The following ACTG2 variants were observed in gnomAD, a reference collection of about 807,000 sequenced individuals.
ACTG2 encodes the protein actin, gamma-enteric smooth muscle.
A neutral mutation model predicts 37.6 loss-of-function variants in ACTG2; 16 were observed. The ratio of observed to expected loss-of-function variants is 0.43; its 90% CI spans 0.29 to 0.65. The LOEUF (loss-of-function observed/expected upper bound fraction) is 0.65, where lower values mean the gene tolerates loss of function less well. Among genes scored for constraint, ACTG2 ranks in the 30% least tolerant of loss-of-function variants. The pLI, the probability that ACTG2 is intolerant of heterozygous loss-of-function variation, is 0.18. For synonymous variants in ACTG2, 181 were observed against 179.9 expected, an observed-to-expected ratio of 1.01 and a Z score of -0.05; for missense variants, 238 against 490.9, an observed-to-expected ratio of 0.48 and a Z score of 4.87.
chr2:73,902,750 T>C, intron 3 of ACTG2: 3 of 1,550,718 alleles, frequency 1.9e-6, no homozygotes, highest in South Asian at 2.4e-5. Flanking sequence ...GCTGCAAAAC[T>C]GATCTTTCTA....
intron 1 of ACTG2, among the ~76,000 whole-genome samples, chr2:73,896,391 A>G (rs1020694410): frequency 2.6e-5 from 4 of 151,796 alleles, no homozygotes; most frequent in East Asian, 1.9e-4. Flanking sequence ...GATATAGGCC[A>G]TACAGAAACA....
chr2:73,902,277 T>G, intron 2 of ACTG2, 83 bp from the exon 3 acceptor site: 1 of 1,518,228 alleles, frequency 6.6e-7, no homozygotes, highest in Non-Finnish European at 9.0e-7. Flanking sequence ...TCCTTATCCT[T>G]CTTCAGAGAC....
chr2:73,913,291 T>C (rs1680182964), intron 5 of ACTG2, among the ~76,000 whole-genome samples, 194 bp from the exon 6 acceptor site: 1 of 152,064 alleles, frequency 6.6e-6, no homozygotes. Context: ...TCCAGAGGCC[T>C]ACAGTCTCAC....
intron 3 of ACTG2, among the ~76,000 whole-genome samples, chr2:73,905,934 T>A (rs1465020712): frequency 6.6e-6 from 1 of 151,556 alleles, no homozygotes. Flanking sequence ...TTTCAAAAGT[T>A]TAAGTTTATC....
At chr2:73,896,188 G>T (rs937365895) in intron 1 of ACTG2, among the ~76,000 whole-genome samples, 140 of 151,786 alleles carry the variant, frequency 9.2e-4, no homozygotes, top group African/African-American at 3.2e-3. Flanking sequence ...ATTTTTTTTT[G>T]AAATTAGCAG....
intron 8 of ACTG2, among the ~76,000 whole-genome samples, chr2:73,918,272 G>T (rs1269137467): frequency 6.6e-6 from 1 of 152,080 alleles, no homozygotes; most frequent in East Asian, 1.9e-4. Context: ...ATTTGGGGTG[G>T]GGGTAGGGCT....
At chr2:73,894,816 T>G (rs1208603702) in intron 1 of ACTG2, among the ~76,000 whole-genome samples, 1 of 151,982 alleles carries the variant, frequency 6.6e-6, no homozygotes, top group African/African-American at 2.4e-5. Context: ...AAGGCAGGAA[T>G]CAGGTAAAAC....
intron 8 of ACTG2, 136 bp from the exon 9 acceptor site, chr2:73,919,296 A>G: frequency 9.5e-7 from 1 of 1,058,042 alleles, no homozygotes; most frequent in South Asian, 1.6e-5. Context: ...TTTGAGCAAT[A>G]ATCTAATCTA....
At chr2:73,912,946 T>C (rs1033932090) in intron 5 of ACTG2, among the ~76,000 whole-genome samples, 1 of 152,150 alleles carries the variant, frequency 6.6e-6, no homozygotes, top group Non-Finnish European at 1.5e-5. Flanking sequence ...GGCAGGTGAA[T>C]TGCCTGAGGT....
intron 3 of ACTG2, chr2:73,908,443 T>C (rs1387925623): frequency 3.2e-6 from 2 of 621,574 alleles, no homozygotes; most frequent in African/African-American, 1.8e-5. Flanking sequence ...ATGGAAATAA[T>C]GAACACATAG....
rs1040644822 is a variant in ACTG2 at position 73,918,492 on chromosome 2, G to A, written c.988-940G>A. On this transcript the variant is annotated intron_variant, in intron 8 of 8. Transcript: ENST00000345517. ...ACAATTCCATGATCTCTGTGATTTA[G>A]GGAATATGTAAAGAGATTCTACGGC... 9.9e-5 allele frequency among the ~76,000 whole-genome samples: 15 copies of A among 152,144 alleles called. 1 individual carries two copies. Among genetic ancestry groups the A allele is most frequent in the Non-Finnish European group, 1.5e-5 (1 of 68,030 alleles).
intron 1 of ACTG2, among the ~76,000 whole-genome samples, chr2:73,896,579 G>A (rs901529599): frequency 1.5e-4 from 23 of 152,176 alleles, no homozygotes; most frequent in African/African-American, 5.1e-4. Flanking sequence ...GTAAAGGAAG[G>A]AGGAGCAGTG....
Position 73,913,608 on chromosome 2 carries a change from A to G in ACTG2, c.575A>G (p.Lys192Arg), listed in dbSNP as rs1319689659. Residue 192 changes from lysine to arginine, a missense_variant, in exon 6 of 9, where the codon AAG becomes AGG. Transcript: ENST00000345517. ...AGRDLTDYLM[K>R]ILTERGYSFV... is the part of the protein sequence containing the mutation. ...CGTGACCTCACGGACTACCTCATGA[A>G]GATCCTCACAGAGAGAGGCTATTCC... 2 of 1,613,586 alleles carry G rather than the reference A, an allele frequency of 1.2e-6. No individual in the cohort carries two copies. The highest frequency in any genetic ancestry group is 1.3e-5 in the African/African-American group (1 of 74,936).
chr2:73,901,431 C>T lies in ACTG2; in HGVS notation c.120C>T (p.Arg40=). 3 of 1,613,998 alleles carry T rather than the reference C, an allele frequency of 1.9e-6. No individual in the cohort carries two copies. The highest frequency in any genetic ancestry group is 1.7e-6 in the Non-Finnish European group (2 of 1,179,980). The change falls in exon 2 of 9, where the codon CGC becomes CGT. Residue 40 remains arginine, a synonymous_variant. Coordinates refer to ENST00000345517, the MANE Select transcript of ACTG2 (RefSeq NM_001615.4). The part of the protein sequence containing the change: ...AVFPSIVGRP[R]HQGVMVGMGQ... ...TCCCCTCCATTGTGGGCCGCCCTCG[C>T]CACCAGGTGCGTGCTCATCTGGATA...
chr2:73,901,320 AGAG>A lies in ACTG2; in HGVS notation c.13_15del (p.Glu5del), dbSNP rs1679867757. ...ACTCAGCCACACACACCATGTGTGAAGAGGAGACCACCGCGCTCGTGTGTGACA... is the reference window on the plus strand; with the variant it reads ...ACTCAGCCACACACACCATGTGTGAAGAGACCACCGCGCTCGTGTGTGACA... On this transcript the variant is annotated inframe_deletion, in exon 2 of 9. Coordinates refer to ENST00000345517, the MANE Select transcript of ACTG2 (RefSeq NM_001615.4). 1 of 1,606,798 alleles carries A rather than the reference AGAG, an allele frequency of 6.2e-7. No individual in the cohort carries two copies. The highest frequency in any genetic ancestry group is 1.3e-5 in the African/African-American group (1 of 74,718).
Position 73,902,336 on chromosome 2 carries a change from T to A in ACTG2, c.127-24T>A, listed in dbSNP as rs201925072. ...TGTGGAGCCCTCAGCCATTCATTTCTCTTTTCTTCTTTTTGCATTGCAGGG... is the reference window on the plus strand; with the variant it reads ...TGTGGAGCCCTCAGCCATTCATTTCACTTTTCTTCTTTTTGCATTGCAGGG... On this transcript the variant is annotated intron_variant, in intron 2 of 8. Coordinates refer to ENST00000345517, the MANE Select transcript of ACTG2 (RefSeq NM_001615.4). The A allele has an allele frequency of 4.1e-4, 663 of 1,612,420 alleles. 1 individual carries two copies. The highest frequency in any genetic ancestry group is 5.3e-4 in the Non-Finnish European group (628 of 1,179,230).
At chr2:73,902,097 G>C (rs901758797) in intron 2 of ACTG2, among the ~76,000 whole-genome samples, 1 of 151,526 alleles carries the variant, frequency 6.6e-6, no homozygotes, top group East Asian at 1.9e-4. Flanking sequence ...GAAGTGTATG[G>C]GAGGGGCTTG....
intron 2 of ACTG2, 119 bp from the exon 3 acceptor site, chr2:73,902,241 T>C (rs778530587): frequency 1.1e-4 from 137 of 1,210,252 alleles, no homozygotes; most frequent in Non-Finnish European, 1.4e-4. Flanking sequence ...ATCCTGTTTC[T>C]GGGGGAAGAA....
At chr2:73,908,591 A>T in intron 3 of ACTG2, 82 bp from the exon 4 acceptor site, 1 of 1,196,920 alleles carries the variant, frequency 8.4e-7, no homozygotes, top group Non-Finnish European at 1.2e-6. Context: ...ATGGTGCCAC[A>T]CTCTCCCAGC....
Sources: allele counts gnomAD v4.1 joint callset (sites outside exome capture counted in the v4.1 genomes callset), GRCh38; gene constraint gnomAD v4.1.1; transcripts MANE v1.5; gene names NCBI Gene and HGNC (gene_info 2026-07-23, HGNC 2026-07-21).